Variants in FBXL22 observed in about 807,000 individuals in gnomAD.
The protein encoded by FBXL22 is F-box and leucine rich repeat protein 22, also known as F-box and leucine-rich protein 22.
A neutral mutation model predicts 11.7 loss-of-function variants in FBXL22; 13 were observed. That is an observed-to-expected ratio of 1.11 (90% confidence interval 0.73 to 1.77). The LOEUF (loss-of-function observed/expected upper bound fraction) is 1.77, where lower values mean the gene tolerates loss of function less well. FBXL22 is among the 40% of genes most tolerant of loss of function. FBXL22 has a pLI of 0.00. For missense variants in FBXL22, 406 were observed against 320.4 expected, an observed-to-expected ratio of 1.27 and a Z score of -2.04; for synonymous variants, 160 against 144.1, an observed-to-expected ratio of 1.11 and a Z score of -0.79.
rs948623488 is a variant in FBXL22 at position 63,597,935 on chromosome 15, T to C, written c.353+190T>C. Among the ~76,000 whole-genome samples, 10 of 152,170 alleles carry C rather than the reference T, an allele frequency of 6.6e-5. No individual in the cohort carries two copies. Among genetic ancestry groups the C allele is most frequent in the African/African-American group, 1.9e-4 (8 of 41,440 alleles). ...GACAATAAAATCATGAGGGAAACAA[T>C]TGCTAATCCTCCTCTTAGCCTCACA... On this transcript the variant is annotated intron_variant, in intron 1 of 1. Coordinates refer to ENST00000638704, the MANE Select transcript of FBXL22 (RefSeq NM_001367807.1). This position sits in a 1 kb window ranked among gnomAD's most constrained non-coding sequence, Gnocchi z 4.3.
At chr15:63,600,094 C>G in intron 1 of FBXL22, 1 of 985,752 alleles carries the variant, frequency 1.0e-6, no homozygotes, top group East Asian at 1.1e-4. Flanking sequence ...CTAGCTGCCT[C>G]CGAACCCTAC....
At chr15:63,601,773 T>G, downstream of FBXL22, 1 of 1,414,938 alleles carries the variant, frequency 7.1e-7, no homozygotes, top group Non-Finnish European at 9.3e-7. Context: ...ACTGTTCTCA[T>G]AAGGGAAAAA....
At chr15:63,599,698 G>A in intron 1 of FBXL22, 1 of 987,188 alleles carries the variant, frequency 1.0e-6, no homozygotes, top group African/African-American at 1.7e-5. Flanking sequence ...AGCTGCGGGG[G>A]AGGCTGGCAG....
intron 1 of FBXL22, chr15:63,599,142 C>A: frequency 6.9e-7 from 1 of 1,458,264 alleles, no homozygotes; most frequent in South Asian, 1.2e-5. Context: ...CTAAATTTTT[C>A]TTATCCAACA....
At chr15:63,598,640 T>G (rs983732461) in intron 1 of FBXL22, among the ~76,000 whole-genome samples, 2 of 152,208 alleles carry the variant, frequency 1.3e-5, no homozygotes, top group African/African-American at 4.8e-5. Flanking sequence ...TGGCCCTGGC[T>G]GTTCATGGAA....
chr15:63,599,803 G>A (rs988870857), intron 1 of FBXL22: 4 of 986,102 alleles, frequency 4.1e-6, no homozygotes, highest in Non-Finnish European at 4.8e-6. Context: ...TGGACTGGAA[G>A]CAGGCTGGTC....
intron 1 of FBXL22, chr15:63,599,837 G>C (rs1251075469): frequency 2.0e-6 from 2 of 985,942 alleles, no homozygotes; most frequent in African/African-American, 3.5e-5. Flanking sequence ...GGGAAAGCGG[G>C]TTAGGACTGC....
chr15:63,600,854 G>C lies in FBXL22; in HGVS notation c.511G>C (p.Gly171Arg). Residue 171 changes from glycine (G) to arginine (R), a missense_variant, in exon 2 of 2, where the codon GGG becomes CGG. Coordinates refer to ENST00000638704, the MANE Select transcript of FBXL22 (RefSeq NM_001367807.1). The part of the protein sequence containing the change: ...NRTLAAVAAD[G>R]RALQTLHVDF... ...CACGTTGGCTGCCGTGGCGGCGGAC[G>C]GGCGCGCGCTGCAGACATTGCACGT... The C allele has an allele frequency of 8.1e-7, 1 of 1,229,782 alleles. No homozygotes were observed. Among genetic ancestry groups the C allele is most frequent in the Non-Finnish European group, 1.0e-6 (1 of 986,702 alleles). 76.2% of individuals were successfully genotyped at this position (1,229,782 alleles called of 1,614,324 possible). A position where few individuals can be genotyped will look rare whatever the true frequency, so the allele number is the denominator to read the frequency against.
chr15:63,607,550 G>A, the FBXL22 span, among the ~76,000 whole-genome samples: 6 of 152,216 alleles, frequency 3.9e-5, no homozygotes, highest in African/African-American at 7.2e-5. Context: ...TCAATAAAAC[G>A]AAGATGTCAT....
chr15:63,604,710 G>C (rs1009824003), downstream of FBXL22, among the ~76,000 whole-genome samples: 1 of 152,188 alleles, frequency 6.6e-6, no homozygotes, highest in Non-Finnish European at 1.5e-5. Context: ...CTGGAGGGTG[G>C]TGTGTCCAGG....
intron 1 of FBXL22, chr15:63,600,364 C>T (rs927812808): frequency 9.1e-7 from 1 of 1,104,958 alleles, no homozygotes; most frequent in African/African-American, 1.6e-5. Flanking sequence ...AACAAAGAGT[C>T]AAGGGTTGTG....
In FBXL22 at chr15:63,600,909, G is replaced by A; in HGVS notation, c.566G>A (p.Gly189Asp). ...TTCTGCCGCAACGTGAGCGCGGCCGGCCTGCGCCGCCTGCGCGCCGCGTGC... is the reference window on the plus strand; with the variant it reads ...TTCTGCCGCAACGTGAGCGCGGCCGACCTGCGCCGCCTGCGCGCCGCGTGC... ...VDFCRNVSAA[G>D]LRRLRAACPR... Residue 189 changes from glycine to aspartate, a missense_variant, in exon 2 of 2, where the codon GGC becomes GAC. Transcript: ENST00000638704. 4 of 1,215,802 alleles carry A rather than the reference G, an allele frequency of 3.3e-6. No individual in the cohort carries two copies. The highest frequency in any genetic ancestry group is 4.1e-6 in the Non-Finnish European group (4 of 977,622). The allele number at this position is 1,215,802 out of a possible 1,614,324, so 75.3% of individuals were successfully genotyped here. A position where few individuals can be genotyped will look rare whatever the true frequency, so the allele number is the denominator to read the frequency against.
At chr15:63,607,549 C>T in the FBXL22 span, among the ~76,000 whole-genome samples, 28 of 152,216 alleles carry the variant, frequency 1.8e-4, no homozygotes, top group African/African-American at 6.0e-4. Context: ...TTCAATAAAA[C>T]GAAGATGTCA....
At chr15:63,603,431 G>A (rs1443653928), downstream of FBXL22, among the ~76,000 whole-genome samples, 2 of 152,174 alleles carry the variant, frequency 1.3e-5, no homozygotes, top group African/African-American at 2.4e-5. Context: ...TTTATTACTA[G>A]ACTTCGTTCT....
chr15:63,600,194 G>A, intron 1 of FBXL22: 1 of 986,370 alleles, frequency 1.0e-6, no homozygotes, highest in Non-Finnish European at 1.2e-6. Context: ...TGCCCCCACC[G>A]CCTTGAGGGT....
rs373450609 is a variant in FBXL22, at chr15:63,598,434, G to T, written c.353+689G>T. Among the ~76,000 whole-genome samples the T allele has an allele frequency of 2.5e-4, 38 of 152,244 alleles. No homozygotes were observed. The East Asian group carries it at 3.5e-3, about 14-fold the overall frequency. On this transcript the variant is annotated intron_variant, in intron 1 of 1. Transcript: ENST00000638704. ...TGTAAGTATGTCCCAAATACATCTT[G>T]TGTTTATCTGCTAACCCCCACCCCA...
downstream of FBXL22, among the ~76,000 whole-genome samples, chr15:63,604,206 G>C (rs2067402680): frequency 6.6e-6 from 1 of 152,218 alleles, no homozygotes; most frequent in African/African-American, 2.4e-5. Flanking sequence ...TTTCTTATCT[G>C]AGTACTAAGG....
chr15:63,606,907 G>C (rs913212822), downstream of FBXL22, among the ~76,000 whole-genome samples: 2 of 152,106 alleles, frequency 1.3e-5, no homozygotes, highest in Non-Finnish European at 2.9e-5. Context: ...AGCAGCACAG[G>C]GTGAGGCATT....
intron 1 of FBXL22, chr15:63,599,974 T>A (rs995949886): frequency 5.1e-6 from 5 of 985,584 alleles, no homozygotes; most frequent in Non-Finnish European, 3.6e-6. Flanking sequence ...TGGCTCAAGA[T>A]CTTTTCTTTG....
Sources: gnomAD v4.1 joint callset for allele counts (sites outside exome capture counted in the v4.1 genomes callset) on GRCh38, gnomAD v4.1.1 for gene constraint, Gnocchi (gnomAD v3.1) non-coding constraint, MANE v1.5 for transcripts, NCBI Gene and HGNC (gene_info 2026-07-23, HGNC 2026-07-21) for gene names.